Variants in ARFIP1 observed in about 807,000 individuals in gnomAD.
ARFIP1 encodes arfaptin-1.
Under a neutral mutation model 42.5 loss-of-function variants are expected in ARFIP1, and 24 were observed. That is an observed-to-expected ratio of 0.57 (90% CI 0.41 to 0.80). The LOEUF (loss-of-function observed/expected upper bound fraction) is 0.80. ARFIP1 is among the 30% of genes least tolerant of loss of function. The probability of loss-of-function intolerance (pLI) is 0.00; values close to 1 mark genes in which losing one functional copy is unlikely to be tolerated. For synonymous variants in ARFIP1, 141 were observed against 153.7 expected (o/e 0.92, Z 0.61); for missense variants, 354 against 434.0 (o/e 0.82, Z 1.64).
intron 2 of ARFIP1, among the ~76,000 whole-genome samples, chr4:152,856,310 C>G (rs1733429404): frequency 6.6e-6 from 1 of 152,158 alleles, no homozygotes; most frequent in African/African-American, 2.4e-5. Context: ...AAGGATACAT[C>G]TAACATAACC....
chr4:152,827,353 A>G (rs181681240), intron 1 of ARFIP1, among the ~76,000 whole-genome samples: 28 of 152,314 alleles, frequency 1.8e-4, no homozygotes, highest in Admixed American at 1.1e-3. Context: ...TACATGCACA[A>G]CTGTTGACAT....
chr4:152,857,426 G>A (rs562714137), intron 2 of ARFIP1, among the ~76,000 whole-genome samples: 1 of 152,178 alleles, frequency 6.6e-6, no homozygotes, highest in East Asian at 1.9e-4. Flanking sequence ...AGTTAATATC[G>A]TTTCTGGAGG....
At chr4:152,787,755 G>T (rs993116868) in intron 1 of ARFIP1, among the ~76,000 whole-genome samples, 6 of 152,166 alleles carry the variant, frequency 3.9e-5, no homozygotes, top group Admixed American at 1.3e-4. Context: ...AAATGTAAAT[G>T]AATTTTGTGT....
chr4:152,899,328 G>A (rs1363276897), intron 8 of ARFIP1, among the ~76,000 whole-genome samples: 1 of 152,086 alleles, frequency 6.6e-6, no homozygotes, highest in African/African-American at 2.4e-5. Context: ...CTATGACCTT[G>A]CATGCTATTC....
chr4:152,863,508 TAA>T (rs1239469264), intron 2 of ARFIP1, 96 bp from the exon 3 acceptor site: 1 of 683,802 alleles, frequency 1.5e-6, no homozygotes. Context: ...GAGAGAAAAA[TAA>T]TCTAAGATTT....
At chr4:152,866,523 G>A (rs1268648158) in intron 3 of ARFIP1, among the ~76,000 whole-genome samples, 3 of 104,654 alleles carry the variant, frequency 2.9e-5, no homozygotes, top group East Asian at 5.6e-4. Flanking sequence ...CCTCCCGGAC[G>A]GGGCGGCTGG....
chr4:152,875,563 A>T (rs1735264167), intron 5 of ARFIP1, among the ~76,000 whole-genome samples: 1 of 151,868 alleles, frequency 6.6e-6, no homozygotes, highest in Admixed American at 6.6e-5. Flanking sequence ...TTTTCTTGTC[A>T]TGTTGCCTCA....
chr4:152,831,101 A>G (rs1731211143), intron 2 of ARFIP1, among the ~76,000 whole-genome samples: 1 of 152,246 alleles, frequency 6.6e-6, no homozygotes, highest in Admixed American at 6.5e-5. Context: ...ACACACCTGC[A>G]TAATAAAGAA....
intron 8 of ARFIP1, among the ~76,000 whole-genome samples, chr4:152,888,525 C>T (rs1366917370): frequency 1.3e-5 from 2 of 152,104 alleles, no homozygotes; most frequent in Non-Finnish European, 2.9e-5. Flanking sequence ...ACATATAACA[C>T]ATGGCAAAAA....
intron 1 of ARFIP1, among the ~76,000 whole-genome samples, chr4:152,827,574 C>T (rs1730938056): frequency 6.6e-6 from 1 of 152,216 alleles, no homozygotes; most frequent in Non-Finnish European, 1.5e-5. Flanking sequence ...CTTCCTTCCT[C>T]ACTAACTTCT....
At chr4:152,862,172 C>A (rs898350879) in intron 2 of ARFIP1, among the ~76,000 whole-genome samples, 3 of 152,100 alleles carry the variant, frequency 2.0e-5, no homozygotes, top group African/African-American at 7.2e-5. Context: ...TAATGACTGC[C>A]CAGTGCTACC....
intron 3 of ARFIP1, among the ~76,000 whole-genome samples, chr4:152,864,913 CTTTTTTTTTTT>C (rs34123163): frequency 1.8e-5 from 2 of 112,484 alleles, no homozygotes; most frequent in East Asian, 2.6e-4. Flanking sequence ...CTTTTTTAAA[CTTTTTTTTTTT>C]TTTTTTTTTT....
In ARFIP1 at chr4:152,847,107, A is replaced by G. The variant is rs193128382; in HGVS notation, c.94-16499A>G. ...AGTTTAGTCATTGCCTCGTATGTTA[A>G]TGTTTTTAGGTTTGTTCTTTTTTTT... On this transcript the variant is annotated intron_variant, in intron 2 of 8. Coordinates refer to ENST00000353617, the MANE Select transcript of ARFIP1 (RefSeq NM_001025595.3). Among the ~76,000 whole-genome samples, 14 of 92,278 alleles carry G rather than the reference A, an allele frequency of 1.5e-4. No individual in the cohort carries two copies. The Admixed American group carries it at 1.6e-3, about 10-fold the overall frequency. The allele number at this position is 92,278 out of a possible 152,430, so 60.5% of individuals were successfully genotyped here.
chr4:152,802,451 A>T (rs919909228), intron 1 of ARFIP1, among the ~76,000 whole-genome samples: 6 of 152,212 alleles, frequency 3.9e-5, no homozygotes, highest in African/African-American at 1.2e-4. Flanking sequence ...TAGCTACTTG[A>T]CATATGTAGT....
At chr4:152,802,603 TA>T (rs1728510420) in intron 1 of ARFIP1, among the ~76,000 whole-genome samples, 1 of 146,334 alleles carries the variant, frequency 6.8e-6, no homozygotes, top group Non-Finnish European at 1.5e-5. Flanking sequence ...TAAACTGGAT[TA>T]AAGAGCAATG....
rs71598214 is a variant in ARFIP1, at chr4:152,782,223, GGTGTGTGTGTGTGT to G, written c.-10+2020_-10+2033del. ...GTTGAAGTTAGTGAAAACAGGTAGG[GGTGTGTGTGTGTGT>G]GTGTGTGTGTGTGTGTGTGTGTTTT... On this transcript the variant is annotated intron_variant, in intron 1 of 8. Coordinates refer to ENST00000353617, the MANE Select transcript of ARFIP1 (RefSeq NM_001025595.3). Among the ~76,000 whole-genome samples the G allele has an allele frequency of 7.8e-4, 116 of 148,662 alleles. 1 individual carries two copies. The South Asian group carries it at 9.6e-3, about 12-fold the overall frequency.
At chr4:152,820,775 A>T (rs761672485) in intron 1 of ARFIP1, among the ~76,000 whole-genome samples, 1 of 152,176 alleles carries the variant, frequency 6.6e-6, no homozygotes, top group African/African-American at 2.4e-5. Context: ...AGATTTGGGC[A>T]GGGACACAAA....
intron 2 of ARFIP1, among the ~76,000 whole-genome samples, chr4:152,840,797 C>A (rs991436210): frequency 1.0e-4 from 15 of 148,788 alleles, no homozygotes; most frequent in Non-Finnish European, 1.9e-4. Context: ...CGGCTCACTG[C>A]AGCTTCCACC....
chr4:152,881,058 G>GA lies in ARFIP1; in HGVS notation c.513dup (p.Tyr172IlefsTer2). On this transcript the variant is annotated frameshift_variant, in exon 6 of 9. Transcript: ENST00000353617. LOFTEE classifies it high-confidence loss of function. ...AGATTGATATATTAAGGGATAACAAGAAAAAATATGAAAATATTTTAAAAC... is the reference window on the plus strand; with the variant it reads ...AGATTGATATATTAAGGGATAACAAGAAAAAAATATGAAAATATTTTAAAAC... 1 of 1,613,630 alleles carries GA rather than the reference G, an allele frequency of 6.2e-7. No individual in the cohort carries two copies. The highest frequency in any genetic ancestry group is 8.5e-7 in the Non-Finnish European group (1 of 1,179,670).
Sources: allele counts gnomAD v4.1 joint callset (sites outside exome capture counted in the v4.1 genomes callset), GRCh38; gene constraint gnomAD v4.1.1; transcripts MANE v1.5; gene names NCBI Gene and HGNC (gene_info 2026-07-23, HGNC 2026-07-21).